The following CACNA1A variants were observed in gnomAD, a reference collection of about 807,000 sequenced individuals.
CACNA1A encodes calcium voltage-gated channel subunit alpha1 A.
A neutral mutation model predicts 262.4 loss-of-function variants in CACNA1A; 57 were observed. The ratio of observed to expected loss-of-function variants is 0.22; its 90% CI spans 0.18 to 0.27. The LOEUF (loss-of-function observed/expected upper bound fraction) is 0.27, where lower values mean the gene tolerates loss of function less well. CACNA1A is among the 10% of genes least tolerant of loss of function. The pLI, the probability that CACNA1A is intolerant of heterozygous loss-of-function variation, is 1.00. For missense variants in CACNA1A, 2,526 were observed against 3,562.8 expected, an observed-to-expected ratio of 0.71 and a Z score of 7.41; for synonymous variants, 1,431 against 1,419.3, an observed-to-expected ratio of 1.01 and a Z score of -0.18.
intron 19 of CACNA1A, among the ~76,000 whole-genome samples, chr19:13,298,197 C>A (rs1469862693): frequency 1.5e-5 from 2 of 133,436 alleles, no homozygotes; most frequent in Non-Finnish European, 3.1e-5. Context: ...GTGGTGTGAT[C>A]TCGGCTCATT....
chr19:13,489,149 C>A (rs1421539893), intron 1 of CACNA1A, among the ~76,000 whole-genome samples: 2 of 151,148 alleles, frequency 1.3e-5, no homozygotes, highest in Admixed American at 6.6e-5. Context: ...GTAGCTGGGA[C>A]TGCGGGTGTG....
At chr19:13,498,150 A>G (rs1981910547) in intron 1 of CACNA1A, among the ~76,000 whole-genome samples, 1 of 152,068 alleles carries the variant, frequency 6.6e-6, no homozygotes, top group Non-Finnish European at 1.5e-5. Context: ...AGAAGATAAT[A>G]AAGATCATGG....
At chr19:13,489,012 T>C (rs1208801596) in intron 1 of CACNA1A, among the ~76,000 whole-genome samples, 26 of 123,742 alleles carry the variant, frequency 2.1e-4, no homozygotes, top group South Asian at 5.7e-4. Context: ...TCTTTTTTTT[T>C]TTTTTTTTTT....
chr19:13,217,146 AAAAC>A lies in CACNA1A; in HGVS notation c.5732-2542_5732-2539del, dbSNP rs779207945. On this transcript the variant is annotated intron_variant, in intron 38 of 46. Coordinates refer to ENST00000360228, the MANE Select transcript of CACNA1A (RefSeq NM_001127222.2). The stretch of plus-strand genomic sequence containing the variant: ...ACGAGACTCCGTCTCAAAACAATAC[AAAAC>A]AAACAAAACCAAAACCAAAATAGAG... Among the ~76,000 whole-genome samples, 159 of 152,268 alleles carry A rather than the reference AAAAC, an allele frequency of 1.0e-3. 1 individual carries two copies. Among genetic ancestry groups the A allele is most frequent in the Non-Finnish European group, 1.9e-3 (132 of 68,016 alleles).
chr19:13,451,728 G>A (rs2060919916), intron 3 of CACNA1A: 1 of 152,182 alleles, frequency 6.6e-6, no homozygotes, highest in South Asian at 2.1e-4. Flanking sequence ...CTCCTTCCTG[G>A]TTTGATACAG....
intron 38 of CACNA1A, among the ~76,000 whole-genome samples, chr19:13,216,342 T>C (rs1181285421): frequency 2.0e-5 from 3 of 152,128 alleles, no homozygotes; most frequent in African/African-American, 7.2e-5. Flanking sequence ...ATTTTTATTA[T>C]TGTTATTATT....
chr19:13,376,826 A>AAC (rs1301847928), intron 3 of CACNA1A, among the ~76,000 whole-genome samples: 1 of 79,590 alleles, frequency 1.3e-5, no homozygotes, highest in Non-Finnish European at 3.1e-5. Context: ...TGTGATATAT[A>AAC]ACACATGTTA....
chr19:13,416,659 C>CA (rs2060227808), intron 3 of CACNA1A, among the ~76,000 whole-genome samples: 1 of 151,896 alleles, frequency 6.6e-6, no homozygotes, highest in African/African-American at 2.4e-5. Context: ...ACTAAAAATA[C>CA]AAAAAATTAG....
chr19:13,403,771 G>GCAAA (rs200020218), intron 3 of CACNA1A, among the ~76,000 whole-genome samples: 1,726 of 151,758 alleles, frequency 0.011, 14 homozygotes, highest in Non-Finnish European at 0.019. Flanking sequence ...CCCCATCTCT[G>GCAAA]CAAACAAACA....
At chr19:13,304,523 G>A (rs2057857224) in intron 15 of CACNA1A, among the ~76,000 whole-genome samples, 1 of 152,014 alleles carries the variant, frequency 6.6e-6, no homozygotes, top group African/African-American at 2.4e-5. Flanking sequence ...TCAAGGGGCT[G>A]AGGTGGGAGG....
intron 1 of CACNA1A, among the ~76,000 whole-genome samples, chr19:13,477,786 T>C (rs994514445): frequency 1.3e-5 from 2 of 152,248 alleles, no homozygotes; most frequent in African/African-American, 4.8e-5. Flanking sequence ...CAGTGTGACA[T>C]GCCTTCAACT....
At chr19:13,396,202 G>T (rs1196205243) in intron 3 of CACNA1A, among the ~76,000 whole-genome samples, 1 of 152,154 alleles carries the variant, frequency 6.6e-6, no homozygotes, top group African/African-American at 2.4e-5. Context: ...CAGGTGTCTT[G>T]TCAGAACACT....
At chr19:13,286,462 C>A (rs2057401180) in intron 20 of CACNA1A, 41 bp downstream of exon 20, 1 of 1,034,338 alleles carries the variant, frequency 9.7e-7, no homozygotes, top group African/African-American at 1.6e-5. Context: ...TCCAGGGACG[C>A]CAGGTCCCCT....
rs528442062 is a variant in CACNA1A, at chr19:13,240,300, G to A, written c.4951-4570C>T. 3.9e-5 allele frequency among the ~76,000 whole-genome samples: 6 copies of A among 152,120 alleles called. No homozygotes were observed. The South Asian group carries it at 1.2e-3, about 32-fold the overall frequency. Reference sequence around the variant, plus strand: ...TAGACTGTGTGTGCAGTGACTGTGTGTGTATAGCGACTGTGTGTTCAATGT... The same window carrying A: ...TAGACTGTGTGTGCAGTGACTGTGTATGTATAGCGACTGTGTGTTCAATGT... On this transcript the variant is annotated intron_variant, in intron 31 of 46. Transcript: ENST00000360228.
At position 13,477,444 on chromosome 19, in the gene CACNA1A, C is replaced by T. The variant is rs1978683850; in HGVS notation, c.294-22232G>A. ...AAGAGTGCCTTGGCCACCATGTATA[C>T]TCCTTCAGTGTTTGCTAAACAAATG... On this transcript the variant is annotated intron_variant, in intron 1 of 46. Transcript: ENST00000360228. 2.0e-5 allele frequency among the ~76,000 whole-genome samples: 3 copies of T among 152,218 alleles called. No individual in the cohort carries two copies. In the East Asian group the frequency reaches 5.8e-4, roughly 29 times the overall value.
chr19:13,495,643 C>T (rs966902294), intron 1 of CACNA1A, among the ~76,000 whole-genome samples: 23 of 152,046 alleles, frequency 1.5e-4, no homozygotes, highest in Admixed American at 9.8e-4. Flanking sequence ...AGGTGGTAAG[C>T]GGAGAGACTT....
chr19:13,444,770 G>A (rs1289032594), intron 3 of CACNA1A, among the ~76,000 whole-genome samples: 1 of 152,164 alleles, frequency 6.6e-6, no homozygotes, highest in Non-Finnish European at 1.5e-5. Flanking sequence ...CCATCTCTGT[G>A]TGACTTTGGA....
chr19:13,344,913 C>T (rs1471255469), intron 6 of CACNA1A, among the ~76,000 whole-genome samples: 1 of 149,410 alleles, frequency 6.7e-6, no homozygotes, highest in African/African-American at 2.5e-5. Flanking sequence ...CACCACCACG[C>T]TCAGCTAATT....
Position 13,209,476 on chromosome 19 carries a change from A to G in CACNA1A, c.6362T>C (p.Met2121Thr). The part of the protein sequence containing the change: ...NLSTISDTSP[M>T]KRSASVLGPK... Reference sequence around the variant, plus strand: ...GCCCAGCACGGAGGCTGAACGCTTCATGGGGCTGGTGTCTGAGATGGTCTG... The same window carrying G: ...GCCCAGCACGGAGGCTGAACGCTTCGTGGGGCTGGTGTCTGAGATGGTCTG... Residue 2121 changes from methionine to threonine, a missense_variant, in exon 45 of 47, where the codon ATG (methionine) becomes ACG (threonine). Around this residue, in one of 17 missense-constraint regions of CACNA1A, gnomAD observed 929 missense variants for 868.1 expected, o/e 1.07. Transcript: ENST00000360228. 1 of 1,339,794 alleles carries G rather than the reference A, an allele frequency of 7.5e-7. No individual in the cohort carries two copies. The highest frequency in any genetic ancestry group is 3.4e-5 in the Admixed American group (1 of 29,778). The allele number at this position is 1,339,794 out of a possible 1,614,324, so 83.0% of individuals were successfully genotyped here. A position where few individuals can be genotyped will look rare whatever the true frequency, so the allele number is the denominator to read the frequency against.
Sources: allele counts gnomAD v4.1 joint callset (sites outside exome capture counted in the v4.1 genomes callset), GRCh38; gene constraint gnomAD v4.1.1; regional missense constraint gnomAD v4.1.1; transcripts MANE v1.5; gene names NCBI Gene and HGNC (gene_info 2026-07-23, HGNC 2026-07-21).